KDM4C: variants seen among roughly 807,000 people sequenced by gnomAD.
The protein encoded by KDM4C is lysine-specific demethylase 4C.
Under a neutral mutation model 129.3 loss-of-function variants are expected in KDM4C, and 81 were observed. That is an observed-to-expected ratio of 0.63 (90% CI 0.52 to 0.75). KDM4C has a LOEUF of 0.75. Ranked by LOEUF, KDM4C falls within the 30% of genes least tolerant of loss-of-function variation. KDM4C has a pLI of 0.00. For missense variants in KDM4C, 1,457 were observed against 1,304.0 expected (o/e 1.12, Z -1.81); for synonymous variants, 573 against 456.1 (o/e 1.26, Z -3.26).
At chr9:6,743,488 A>C (rs938570398) in intron 1 of KDM4C, among the ~76,000 whole-genome samples, 1 of 152,064 alleles carries the variant, frequency 6.6e-6, no homozygotes, top group Non-Finnish European at 1.5e-5. Context: ...TAGAACAAAG[A>C]ATAACACAAT....
chr9:6,927,337 C>T (rs1010097515), intron 8 of KDM4C, among the ~76,000 whole-genome samples: 2 of 152,134 alleles, frequency 1.3e-5, no homozygotes, highest in Admixed American at 6.5e-5. Flanking sequence ...GCCGTGTTGG[C>T]CAGGCTAGTC....
intron 8 of KDM4C, among the ~76,000 whole-genome samples, chr9:6,963,159 A>C (rs543125529): frequency 2.6e-5 from 4 of 152,202 alleles, no homozygotes; most frequent in African/African-American, 9.7e-5. Flanking sequence ...AATGCAGTGT[A>C]CTTAGAATGG....
At chr9:6,999,192 G>C (rs1269298388) in intron 12 of KDM4C, among the ~76,000 whole-genome samples, 1 of 152,148 alleles carries the variant, frequency 6.6e-6, no homozygotes, top group South Asian at 2.1e-4. Context: ...ATGCCCTCCT[G>C]CTCCTGGCAA....
intron 17 of KDM4C, among the ~76,000 whole-genome samples, chr9:7,065,210 C>T (rs1832257596): frequency 6.6e-6 from 1 of 152,028 alleles, no homozygotes. Context: ...GTCTTCTTTT[C>T]ACTAATAGTT....
intron 1 of KDM4C, among the ~76,000 whole-genome samples, chr9:6,730,594 G>A (rs1309675623): frequency 8.7e-5 from 13 of 148,990 alleles, no homozygotes; most frequent in Non-Finnish European, 1.9e-4. Flanking sequence ...CAGCCTGGGC[G>A]ACAGAGCGAG....
chr9:6,995,651 A>G (rs1819549536), intron 12 of KDM4C, among the ~76,000 whole-genome samples: 2 of 152,162 alleles, frequency 1.3e-5, no homozygotes. Context: ...GGTTTCAGAA[A>G]GTACTTACAC....
intron 1 of KDM4C, among the ~76,000 whole-genome samples, chr9:6,749,365 C>T (rs1424547909): frequency 3.9e-5 from 6 of 152,052 alleles, no homozygotes; most frequent in Non-Finnish European, 1.5e-5. Flanking sequence ...GTTTCATGAG[C>T]TAATAACTAA....
At chr9:6,938,876 T>C (rs1245692576) in intron 8 of KDM4C, among the ~76,000 whole-genome samples, 1 of 152,168 alleles carries the variant, frequency 6.6e-6, no homozygotes, top group African/African-American at 2.4e-5. Flanking sequence ...TGTTCTTTCA[T>C]AGAGGTTAAC....
At chr9:6,813,087 A>G (rs949296853) in intron 3 of KDM4C, among the ~76,000 whole-genome samples, 13 of 152,236 alleles carry the variant, frequency 8.5e-5, no homozygotes, top group Admixed American at 6.5e-5. Context: ...AGGCAGGAGA[A>G]TCCCTTGAAC....
intron 8 of KDM4C, among the ~76,000 whole-genome samples, chr9:6,903,328 A>G (rs911153847): frequency 6.6e-6 from 1 of 152,198 alleles, no homozygotes; most frequent in Non-Finnish European, 1.5e-5. Flanking sequence ...AAATTGAAAC[A>G]GTTTTCAAAC....
At chr9:7,080,980 T>C (rs866469955) in intron 17 of KDM4C, among the ~76,000 whole-genome samples, 1 of 152,216 alleles carries the variant, frequency 6.6e-6, no homozygotes, top group Non-Finnish European at 1.5e-5. Context: ...GTAAATGAGC[T>C]AAATGTGTGG....
At chr9:7,061,230 A>G (rs1426400173) in intron 17 of KDM4C, among the ~76,000 whole-genome samples, 1 of 152,090 alleles carries the variant, frequency 6.6e-6, no homozygotes, top group Non-Finnish European at 1.5e-5. Context: ...GGTTTATGTT[A>G]TTATTGCTTT....
chr9:7,144,521 C>T (rs1279003566), intron 19 of KDM4C, among the ~76,000 whole-genome samples: 1 of 152,206 alleles, frequency 6.6e-6, no homozygotes, highest in Non-Finnish European at 1.5e-5. Flanking sequence ...CAACTGGGGA[C>T]ATTGGCCTAG....
At position 7,001,531 on chromosome 9, in the gene KDM4C, C is replaced by G. The variant is rs554286827; in HGVS notation, c.1787-10167C>G. 2.0e-5 allele frequency among the ~76,000 whole-genome samples: 3 copies of G among 152,302 alleles called. No individual in the cohort carries two copies. In the East Asian group the frequency reaches 5.8e-4, roughly 29 times the overall value. On this transcript the variant is annotated intron_variant, in intron 12 of 21. Transcript: ENST00000381309. ...AAATGAGAGGAAGAAGATGTATAGC[C>G]TTGTTCTCTCCTTATTTCTGTATGC...
At chr9:6,878,133 A>T (rs1468979668) in intron 5 of KDM4C, among the ~76,000 whole-genome samples, 1 of 152,164 alleles carries the variant, frequency 6.6e-6, no homozygotes, top group Non-Finnish European at 1.5e-5. Flanking sequence ...GCTTCACTGG[A>T]TATTACCACA....
chr9:6,767,947 TAC>T (rs527772161), intron 1 of KDM4C, among the ~76,000 whole-genome samples: 4 of 152,126 alleles, frequency 2.6e-5, no homozygotes, highest in Non-Finnish European at 5.9e-5. Context: ...GTATTATATA[TAC>T]ACACATAATA....
rs118033493 is a variant in KDM4C at position 6,895,777 on chromosome 9, G to A, written c.921+2545G>A. Among the ~76,000 whole-genome samples, 4 of 152,236 alleles carry A rather than the reference G, an allele frequency of 2.6e-5. No individual in the cohort carries two copies. The East Asian group carries it at 7.7e-4, about 29-fold the overall frequency. ...AAATTAAGAAAAAAGAATATTTTGA[G>A]TTATGTAACCAATTTTAGTTATTTT... On this transcript the variant is annotated intron_variant, in intron 8 of 21. Coordinates refer to ENST00000381309, the MANE Select transcript of KDM4C (RefSeq NM_015061.6).
At chr9:7,152,600 A>G (rs1285223230) in intron 19 of KDM4C, among the ~76,000 whole-genome samples, 1 of 152,224 alleles carries the variant, frequency 6.6e-6, no homozygotes. Flanking sequence ...TTGGGAAGAT[A>G]AAGTTCTGAA....
intron 4 of KDM4C, among the ~76,000 whole-genome samples, chr9:6,824,131 G>C (rs2131250694): frequency 6.6e-6 from 1 of 152,250 alleles, no homozygotes; most frequent in Non-Finnish European, 1.5e-5. Context: ...GTGAATATTG[G>C]GTAAAAAAAT....
Sources: gnomAD v4.1 joint callset for allele counts (sites outside exome capture counted in the v4.1 genomes callset) on GRCh38, gnomAD v4.1.1 for gene constraint, MANE v1.5 for transcripts, NCBI Gene and HGNC (gene_info 2026-07-23, HGNC 2026-07-21) for gene names.